Variants in GNA11 observed in about 807,000 individuals in gnomAD.
GNA11 encodes the protein G protein subunit alpha 11.
Under a neutral mutation model 38.2 loss-of-function variants are expected in GNA11, and 8 were observed. The ratio of observed to expected loss-of-function variants is 0.21; its 90% CI spans 0.12 to 0.38. GNA11 has a LOEUF of 0.38. Among genes scored for constraint, GNA11 ranks in the 10% least tolerant of loss-of-function variants. The probability of loss-of-function intolerance (pLI) is 1.00; values close to 1 mark genes in which losing one functional copy is unlikely to be tolerated. For missense variants in GNA11, 268 were observed against 516.3 expected (o/e 0.52, Z 4.66); for synonymous variants, 211 against 221.4 (o/e 0.95, Z 0.42).
At chr19:3,101,681 G>T (rs560620697) in intron 1 of GNA11, among the ~76,000 whole-genome samples, 1 of 152,304 alleles carries the variant, frequency 6.6e-6, no homozygotes, top group South Asian at 2.1e-4. Context: ...AGATGTCCAG[G>T]CCAGTGCCCA....
At chr19:3,101,007 C>T (rs1444423128) in intron 1 of GNA11, among the ~76,000 whole-genome samples, 2 of 152,170 alleles carry the variant, frequency 1.3e-5, no homozygotes, top group African/African-American at 4.8e-5. Context: ...TGGGAGGCTC[C>T]AGGAGGGACG....
rs768731291 is a variant in GNA11 at position 3,121,203 on chromosome 19, A to G, written c.*24A>G. ...GAGCGCCCAGGCCCAGGGAGACGGG[A>G]TGGAGACACGGGGCAGGACCTTCCT... On this transcript the variant is annotated 3_prime_UTR_variant, in exon 7 of 7. Transcript: ENST00000078429. 1.9e-6 allele frequency: 3 copies of G among 1,586,094 alleles called. No homozygotes were observed. The highest frequency in any genetic ancestry group is 2.6e-6 in the Non-Finnish European group (3 of 1,158,540).
rs777708537 is a variant in GNA11, at chr19:3,120,951, C to A, written c.890-38C>A. 1 of 1,536,714 alleles carries A rather than the reference C, an allele frequency of 6.5e-7. No homozygotes were observed. Among genetic ancestry groups the A allele is most frequent in the Non-Finnish European group, 8.9e-7 (1 of 1,119,614 alleles). ...GGCCCACGAGTCCCTTGCCCTGGGC[C>A]GGGCTGGGGCACAGCCTCACCCTCT... is the stretch of plus-strand genomic sequence containing the variant. On this transcript the variant is annotated intron_variant, in intron 6 of 6. Transcript: ENST00000078429. This position sits in a 1 kb window ranked among gnomAD's most constrained non-coding sequence, Gnocchi z 5.9.
chr19:3,107,530 C>T (rs559531973), intron 1 of GNA11, among the ~76,000 whole-genome samples: 2 of 152,328 alleles, frequency 1.3e-5, no homozygotes, highest in African/African-American at 4.8e-5. Context: ...GTGCTGGTCT[C>T]GTGTCAGGTG....
At chr19:3,099,105 C>A (rs12462748) in intron 1 of GNA11, among the ~76,000 whole-genome samples, 1 of 152,054 alleles carries the variant, frequency 6.6e-6, no homozygotes, top group Admixed American at 6.6e-5. Context: ...TGTGGTGGAG[C>A]CTGTCTCTGT....
chr19:3,109,216 G>A (rs1913705547), intron 1 of GNA11, among the ~76,000 whole-genome samples: 2 of 151,788 alleles, frequency 1.3e-5, no homozygotes, highest in Non-Finnish European at 2.9e-5. Context: ...TGGGGAGACG[G>A]AGTCTCTGCC....
chr19:3,094,480 C>A lies in GNA11; in HGVS notation c.-172C>A. ...GGCTGGCGCGGCCCGAGCGGGGACC[C>A]GGCGGCTCGCCAGGCGGCGGCCGAG... On this transcript the variant is annotated 5_prime_UTR_variant, in exon 1 of 7. Transcript: ENST00000078429. This position sits in a 1 kb window ranked among gnomAD's most constrained non-coding sequence, Gnocchi z 6.0. 6.8e-6 allele frequency: 1 copy of A among 146,976 alleles called. No homozygotes were observed. The highest frequency in any genetic ancestry group is 1.9e-4 in the South Asian group (1 of 5,212). The allele number at this position is 146,976 out of a possible 1,614,324, so 9.1% of individuals were successfully genotyped here.
chr19:3,102,160 G>T (rs1913521937), intron 1 of GNA11, among the ~76,000 whole-genome samples: 1 of 152,088 alleles, frequency 6.6e-6, no homozygotes, highest in African/African-American at 2.4e-5. Flanking sequence ...ATGAGTGAGT[G>T]ACACCATCCG....
chr19:3,114,252 C>T (rs916326118), intron 3 of GNA11, among the ~76,000 whole-genome samples: 2 of 152,194 alleles, frequency 1.3e-5, no homozygotes, highest in African/African-American at 4.8e-5. Context: ...AGCAGGCACC[C>T]GGCCTCTTAC....
intron 1 of GNA11, among the ~76,000 whole-genome samples, chr19:3,103,154 C>T (rs1414291691): frequency 6.6e-6 from 1 of 152,144 alleles, no homozygotes; most frequent in Non-Finnish European, 1.5e-5. Flanking sequence ...AGGTCTCAGC[C>T]CTGCCACTGG....
intron 1 of GNA11, among the ~76,000 whole-genome samples, chr19:3,106,590 G>C (rs308056): frequency 0.36 from 55,368 of 152,128 alleles, 10,984 homozygotes; most frequent in Non-Finnish European, 0.45. Flanking sequence ...TCCTGGCTTT[G>C]GTGGGTTATG....
chr19:3,097,832 G>A (rs1027703248), intron 1 of GNA11, among the ~76,000 whole-genome samples: 2 of 152,216 alleles, frequency 1.3e-5, no homozygotes, highest in African/African-American at 4.8e-5. Flanking sequence ...GGTCTCTGGG[G>A]TGGGGCTGCC....
intron 1 of GNA11, among the ~76,000 whole-genome samples, chr19:3,109,255 C>A (rs768540976): frequency 1.3e-5 from 2 of 152,198 alleles, no homozygotes; most frequent in African/African-American, 2.4e-5. Flanking sequence ...GAGGCAGAGG[C>A]AGGAGAGGGG....
chr19:3,103,876 G>A (rs545261689), intron 1 of GNA11, among the ~76,000 whole-genome samples: 2 of 152,062 alleles, frequency 1.3e-5, no homozygotes, highest in Middle Eastern at 3.4e-3. Flanking sequence ...TAGTGGAGAC[G>A]CGGTTTCACC....
Position 3,094,757 on chromosome 19 carries a change from G to A in GNA11, c.106G>A (p.Ala36Thr), listed in dbSNP as rs773203722. Residue 36 changes from alanine (A) to threonine (T), a missense_variant, in exon 1 of 7, where the codon GCC (alanine) becomes ACC (threonine). Physicochemically the swap from Ala to Thr is moderately conservative, Grantham distance 58 (BLOSUM62 0). Around this residue, in one of 3 missense-constraint regions of GNA11, gnomAD observed 151 missense variants for 254.0 expected, o/e 0.59. Transcript: ENST00000078429. The surrounding 1 kb of genome is among the most constrained non-coding windows in gnomAD (Gnocchi z 6.0). ...GCAGCTGCGGCGGGACAAGCGCGACGCCCGGCGCGAGCTCAAGCTGCTGCT... is the reference window on the plus strand; with the variant it reads ...GCAGCTGCGGCGGGACAAGCGCGACACCCGGCGCGAGCTCAAGCTGCTGCT... ...EKQLRRDKRD[A>T]RRELKLLLLG... The A allele has an allele frequency of 1.3e-6, 2 of 1,587,816 alleles. No homozygotes were observed. Among genetic ancestry groups the A allele is most frequent in the Non-Finnish European group, 1.7e-6 (2 of 1,169,244 alleles).
rs575713021 is a variant in GNA11, at chr19:3,118,718, G to C, written c.606-206G>C. The C allele has an allele frequency of 4.9e-5, 27 of 546,714 alleles. No individual in the cohort carries two copies. The Admixed American group carries it at 8.6e-4, about 17-fold the overall frequency. The allele number at this position is 546,714 out of a possible 1,614,324, so 33.9% of individuals were successfully genotyped here. ...AGTGGTCTCAGGCCCCTTTGCCAGT[G>C]AGGGAAGGGTCTGCGGTGGTCACCC... is the stretch of plus-strand genomic sequence containing the variant. On this transcript the variant is annotated intron_variant, in intron 4 of 6. Coordinates refer to ENST00000078429, the MANE Select transcript of GNA11 (RefSeq NM_002067.5).
rs1464371231 is a variant in GNA11 at position 3,120,641 on chromosome 19, C to T, written c.890-348C>T. ...TGGGGGCCTCTCCTCTCACCCTGGG[C>T]CTTCGCAGGGCAGCCATGCCAGAGG... On this transcript the variant is annotated intron_variant, in intron 6 of 6. Transcript: ENST00000078429. This position sits in a 1 kb window ranked among gnomAD's most constrained non-coding sequence, Gnocchi z 5.9. Among the ~76,000 whole-genome samples the T allele has an allele frequency of 1.3e-5, 2 of 152,170 alleles. No individual in the cohort carries two copies. The highest frequency in any genetic ancestry group is 2.9e-5 in the Non-Finnish European group (2 of 68,014).
intron 1 of GNA11, among the ~76,000 whole-genome samples, chr19:3,095,530 C>A (rs1385713400): frequency 2.0e-5 from 3 of 151,978 alleles, no homozygotes; most frequent in Non-Finnish European, 4.4e-5. Context: ...TACACCCCCC[C>A]ATCCCCCCGA....
intron 1 of GNA11, among the ~76,000 whole-genome samples, chr19:3,096,284 GGGC>G (rs1913363259): frequency 6.6e-6 from 1 of 152,134 alleles, no homozygotes; most frequent in African/African-American, 2.4e-5. Context: ...TCTTTCCAGG[GGGC>G]CGCGGGTAGG....
Sources: allele counts gnomAD v4.1 joint callset (sites outside exome capture counted in the v4.1 genomes callset), GRCh38; gene constraint gnomAD v4.1.1; regional missense constraint gnomAD v4.1.1; non-coding constraint Gnocchi (gnomAD v3.1); transcripts MANE v1.5; gene names NCBI Gene and HGNC (gene_info 2026-07-23, HGNC 2026-07-21).